The following BEND6 variants were observed in gnomAD, a reference collection of about 807,000 sequenced individuals.
The protein encoded by BEND6 is BEN domain-containing protein 6.
BEND6 carries 24 observed loss-of-function variants against 31.8 expected under a neutral mutation model. That is an observed-to-expected ratio of 0.75 (90% confidence interval 0.55 to 1.06). The LOEUF is 1.06. Ranked by LOEUF, BEND6 falls within the 50% of genes least tolerant of loss-of-function variation. The pLI is 0.00. For synonymous variants in BEND6, 109 were observed against 114.6 expected (o/e 0.95, Z 0.31); for missense variants, 294 against 327.4 (o/e 0.90, Z 0.79).
chr6:56,991,479 G>A (rs1826497998), intron 2 of BEND6, among the ~76,000 whole-genome samples: 1 of 151,840 alleles, frequency 6.6e-6, no homozygotes, highest in Non-Finnish European at 1.5e-5. Context: ...TTAATCAGGT[G>A]ATCATCCAGA....
chr6:56,996,903 A>C (rs966367433), intron 3 of BEND6, among the ~76,000 whole-genome samples: 7 of 152,152 alleles, frequency 4.6e-5, no homozygotes, highest in African/African-American at 1.7e-4. Context: ...TGTTCCTATG[A>C]GGTCTATTCT....
At position 56,960,560 on chromosome 6, in the gene BEND6, A is replaced by G. The variant is rs543566459; in HGVS notation, c.-101+5100A>G. 3.9e-4 allele frequency among the ~76,000 whole-genome samples: 60 copies of G among 152,362 alleles called. 1 individual carries two copies. The highest frequency in any genetic ancestry group is 3.4e-3 in the Admixed American group (52 of 15,300). ...TAATAAAACTACAGCAACATTGAAT[A>G]GCTAGAGTTCCCCTATTTCTTACAA... On this transcript the variant is annotated intron_variant, in intron 1 of 6. Transcript: ENST00000370746.
chr6:57,015,904 C>G lies in BEND6; in HGVS notation c.519+551C>G, dbSNP rs1827543920. On this transcript the variant is annotated intron_variant, in intron 4 of 6. Transcript: ENST00000370746. ...GACTTAGGAGGGAGAAGAAGGTCTTCTCTGAGGAAGTCAAGATCAATCTGA... is the reference window on the plus strand; with the variant it reads ...GACTTAGGAGGGAGAAGAAGGTCTTGTCTGAGGAAGTCAAGATCAATCTGA... 2.0e-5 allele frequency among the ~76,000 whole-genome samples: 3 copies of G among 151,674 alleles called. 1 individual carries two copies. In the South Asian group the frequency reaches 6.2e-4, roughly 32 times the overall value.
At chr6:57,003,910 C>T (rs1827047340) in intron 3 of BEND6, among the ~76,000 whole-genome samples, 1 of 152,094 alleles carries the variant, frequency 6.6e-6, no homozygotes, top group South Asian at 2.1e-4. Context: ...ACCACATAAA[C>T]AAAATTAAAG....
chr6:56,988,689 T>C (rs1826379094), intron 2 of BEND6, among the ~76,000 whole-genome samples: 1 of 152,170 alleles, frequency 6.6e-6, no homozygotes, highest in Admixed American at 6.5e-5. Context: ...GCCTGCCTCA[T>C]TCTAGAGGTA....
At chr6:56,991,687 T>G (rs1240439921) in intron 2 of BEND6, among the ~76,000 whole-genome samples, 3 of 152,038 alleles carry the variant, frequency 2.0e-5, no homozygotes, top group Admixed American at 6.6e-5. Context: ...TAAGAAACAT[T>G]TTAGGGAAGT....
chr6:56,984,310 G>T (rs1826176525), intron 2 of BEND6, among the ~76,000 whole-genome samples: 1 of 151,954 alleles, frequency 6.6e-6, no homozygotes, highest in Non-Finnish European at 1.5e-5. Flanking sequence ...TTTATACCTT[G>T]TAAGTTATAT....
intron 2 of BEND6, among the ~76,000 whole-genome samples, chr6:56,985,956 G>A (rs955784230): frequency 7.2e-5 from 11 of 152,098 alleles, no homozygotes; most frequent in African/African-American, 2.7e-4. Context: ...CTTACAAATG[G>A]ATTTCTTTTG....
At chr6:57,024,697 T>G (rs1827849729) in intron 6 of BEND6, among the ~76,000 whole-genome samples, 1 of 152,208 alleles carries the variant, frequency 6.6e-6, no homozygotes, top group Non-Finnish European at 1.5e-5. Context: ...CTTATTTGAG[T>G]TGAATGTGTT....
chr6:57,004,101 T>C (rs1219441957), intron 3 of BEND6, among the ~76,000 whole-genome samples: 2 of 152,002 alleles, frequency 1.3e-5, no homozygotes, highest in Non-Finnish European at 2.9e-5. Context: ...GAAGCATTGC[T>C]CTCGAGAACT....
intron 3 of BEND6, among the ~76,000 whole-genome samples, chr6:57,000,130 C>T (rs949050028): frequency 6.6e-6 from 1 of 151,832 alleles, no homozygotes; most frequent in Non-Finnish European, 1.5e-5. Context: ...ATGATGATGG[C>T]GGTTTTGTCG....
At chr6:57,005,669 G>C (rs1827131432) in intron 3 of BEND6, among the ~76,000 whole-genome samples, 1 of 148,642 alleles carries the variant, frequency 6.7e-6, no homozygotes, top group South Asian at 2.1e-4. Context: ...GACAGAGCGA[G>C]ACTCCATTAA....
In BEND6 at chr6:56,980,191, T is replaced by C. The variant is rs893871086; in HGVS notation, c.-100-1520T>C. Among the ~76,000 whole-genome samples, 2 of 152,182 alleles carry C rather than the reference T, an allele frequency of 1.3e-5. 1 individual carries two copies. On this transcript the variant is annotated intron_variant, in intron 1 of 6. Coordinates refer to ENST00000370746, the MANE Select transcript of BEND6 (RefSeq NM_152731.3). ...TTGCTTTTTCTTTTGCTTTTGTGGA[T>C]TTTTTTCTTTTTTGGAGACAGAGGC...
At chr6:56,997,601 T>A (rs1243123228) in intron 3 of BEND6, among the ~76,000 whole-genome samples, 1 of 152,234 alleles carries the variant, frequency 6.6e-6, no homozygotes, top group Admixed American at 6.5e-5. Context: ...TCGCCCAGAC[T>A]GCAGTGCAGT....
At chr6:57,020,189 A>G (rs570306243) in intron 6 of BEND6, among the ~76,000 whole-genome samples, 2 of 152,252 alleles carry the variant, frequency 1.3e-5, no homozygotes, top group East Asian at 1.9e-4. Context: ...CAATTATTAG[A>G]TAATTGCTTA....
At chr6:56,961,255 A>G (rs568542794) in intron 1 of BEND6, among the ~76,000 whole-genome samples, 1 of 152,336 alleles carries the variant, frequency 6.6e-6, no homozygotes, top group South Asian at 2.1e-4. Flanking sequence ...CTTGGGGACT[A>G]TCCGTCCATG....
chr6:56,992,862 G>C (rs541465588), intron 3 of BEND6, among the ~76,000 whole-genome samples: 1 of 152,076 alleles, frequency 6.6e-6, no homozygotes, highest in Non-Finnish European at 1.5e-5. Flanking sequence ...CTAAGCCCTA[G>C]AGACAAAAGA....
intron 1 of BEND6, among the ~76,000 whole-genome samples, chr6:56,955,694 T>A (rs1824767557): frequency 6.6e-6 from 1 of 152,212 alleles, no homozygotes; most frequent in African/African-American, 2.4e-5. Flanking sequence ...CTTGTATCCC[T>A]GGGTTTGCCC....
At chr6:57,010,624 T>C (rs1372779188) in intron 3 of BEND6, 1 of 908,754 alleles carries the variant, frequency 1.1e-6, no homozygotes, top group African/African-American at 1.8e-5. Flanking sequence ...GGATTGAGAC[T>C]TGCCATGAAT....
Sources: gnomAD v4.1 joint callset for allele counts (sites outside exome capture counted in the v4.1 genomes callset) on GRCh38, gnomAD v4.1.1 for gene constraint, MANE v1.5 for transcripts, NCBI Gene and HGNC (gene_info 2026-07-23, HGNC 2026-07-21) for gene names.